Variants in LRCH1 observed in about 807,000 individuals in gnomAD.
LRCH1 encodes leucine-rich repeat and calponin homology domain-containing protein 1.
LRCH1 carries 23 observed loss-of-function variants against 94.9 expected under a neutral mutation model. The observed-to-expected ratio is 0.24, with a 90% CI of 0.17 to 0.34. The LOEUF (loss-of-function observed/expected upper bound fraction) is 0.34, where lower values mean the gene tolerates loss of function less well. Among genes scored for constraint, LRCH1 ranks in the 10% least tolerant of loss-of-function variants. LRCH1 has a pLI of 1.00. For missense variants in LRCH1, 790 were observed against 945.9 expected, an observed-to-expected ratio of 0.84 and a Z score of 2.16; for synonymous variants, 364 against 354.9, an observed-to-expected ratio of 1.03 and a Z score of -0.29.
intron 3 of LRCH1, among the ~76,000 whole-genome samples, chr13:46,671,483 C>T (rs1043364442): frequency 6.6e-6 from 1 of 152,128 alleles, no homozygotes; most frequent in Non-Finnish European, 1.5e-5. Context: ...ATGGCTGGGG[C>T]AGATTGTGAA....
chr13:46,645,688 G>A (rs1594311606), intron 1 of LRCH1, among the ~76,000 whole-genome samples: 1 of 127,324 alleles, frequency 7.9e-6, no homozygotes, highest in Non-Finnish European at 1.9e-5. Context: ...CTAGTCTTCT[G>A]CTCTCAGGTT....
chr13:46,686,672 T>C (rs1054852440), intron 5 of LRCH1, among the ~76,000 whole-genome samples: 1 of 152,168 alleles, frequency 6.6e-6, no homozygotes. Flanking sequence ...GACCTTCATT[T>C]TGGGGTATTG....
At chr13:46,730,562 A>G (rs1239713087) in intron 18 of LRCH1, among the ~76,000 whole-genome samples, 3 of 152,182 alleles carry the variant, frequency 2.0e-5, no homozygotes, top group Non-Finnish European at 2.9e-5. Context: ...TATCTATCAT[A>G]TTGAACATAT....
intron 7 of LRCH1, among the ~76,000 whole-genome samples, chr13:46,692,318 AC>A (rs1870940031): frequency 6.6e-6 from 1 of 150,416 alleles, no homozygotes; most frequent in African/African-American, 2.5e-5. Context: ...AGAAAGCCCC[AC>A]CCCGACCCCA....
intron 3 of LRCH1, among the ~76,000 whole-genome samples, chr13:46,673,510 A>C (rs2051628953): frequency 6.6e-6 from 1 of 152,050 alleles, no homozygotes; most frequent in Non-Finnish European, 1.5e-5. Flanking sequence ...TGGAAAAAAA[A>C]ATTCCCTGGA....
At position 46,659,951 on chromosome 13, in the gene LRCH1, G is replaced by A. The variant is rs1012003085; in HGVS notation, c.453-9079G>A. 2.6e-5 allele frequency among the ~76,000 whole-genome samples: 4 copies of A among 152,010 alleles called. No homozygotes were observed. The South Asian group carries it at 8.3e-4, about 32-fold the overall frequency. On this transcript the variant is annotated intron_variant, in intron 2 of 19. Coordinates refer to ENST00000389797, the MANE Select transcript of LRCH1 (RefSeq NM_001164211.2). The stretch of plus-strand genomic sequence containing the variant: ...CAAGCAGTTGTTTACAGAATTCTTA[G>A]GACCAGCCTGGAGTCCTTTCATTCC...
chr13:46,651,268 A>G (rs187034374), intron 2 of LRCH1, among the ~76,000 whole-genome samples: 3 of 152,370 alleles, frequency 2.0e-5, no homozygotes, highest in Admixed American at 2.0e-4. Flanking sequence ...AGAAAGTTCA[A>G]TGAACCAGGT....
At chr13:46,654,904 A>AT (rs1342415331) in intron 2 of LRCH1, among the ~76,000 whole-genome samples, 1 of 152,170 alleles carries the variant, frequency 6.6e-6, no homozygotes, top group Non-Finnish European at 1.5e-5. Flanking sequence ...ATTTTCACAG[A>AT]TTTTGTCTGT....
At chr13:46,635,717 T>C (rs377413446) in intron 1 of LRCH1, among the ~76,000 whole-genome samples, 2,405 of 151,046 alleles carry the variant, frequency 0.016, 24 homozygotes, top group Middle Eastern at 0.036. Context: ...GTGATCCACC[T>C]GCCTCGGCCT....
At chr13:46,659,377 G>C (rs1226391263) in intron 2 of LRCH1, among the ~76,000 whole-genome samples, 1 of 151,996 alleles carries the variant, frequency 6.6e-6, no homozygotes, top group Non-Finnish European at 1.5e-5. Flanking sequence ...ATTTTTATTT[G>C]AGACAGGGTT....
At position 46,607,647 on chromosome 13, in the gene LRCH1, C is replaced by CT. The variant is rs77449538; in HGVS notation, c.308-42541dup. Among the ~76,000 whole-genome samples, 951 of 141,946 alleles carry CT rather than the reference C, an allele frequency of 6.7e-3. 17 individuals are homozygous for CT. The highest frequency in any genetic ancestry group is 0.02 in the African/African-American group (780 of 38,924). The allele number at this position is 141,946 out of a possible 152,430, so 93.1% of individuals were successfully genotyped here. A position where few individuals can be genotyped will look rare whatever the true frequency, so the allele number is the denominator to read the frequency against. On this transcript the variant is annotated intron_variant, in intron 1 of 19. Coordinates refer to ENST00000389797, the MANE Select transcript of LRCH1 (RefSeq NM_001164211.2). ...CCCCTTCCTCCTCTTCCTTCTTCTT[C>CT]TTTTTTTTTTTTTAATATGAGACAC...
intron 13 of LRCH1, among the ~76,000 whole-genome samples, chr13:46,708,806 G>A (rs955849543): frequency 6.6e-6 from 1 of 152,136 alleles, no homozygotes; most frequent in African/African-American, 2.4e-5. Flanking sequence ...TTTCAAAATG[G>A]ATTCGTACTT....
At chr13:46,746,467 C>T (rs190511679), downstream of LRCH1, among the ~76,000 whole-genome samples, 31 of 152,178 alleles carry the variant, frequency 2.0e-4, no homozygotes, top group East Asian at 3.9e-4. Flanking sequence ...TCTTCAAAGG[C>T]GGTCAGAAGC....
chr13:46,744,051 A>T lies in LRCH1; in HGVS notation c.*2203A>T, dbSNP rs1004983182. 2.5e-4 allele frequency: 246 copies of T among 985,246 alleles called. No individual in the cohort carries two copies. Among genetic ancestry groups the T allele is most frequent in the Non-Finnish European group, 2.9e-4 (238 of 829,928 alleles). 61.0% of individuals were successfully genotyped at this position (985,246 alleles called of 1,614,324 possible). A position where few individuals can be genotyped will look rare whatever the true frequency, so the allele number is the denominator to read the frequency against. ...AATTAATTTAGTCCTTTAGGCAAAA[A>T]TTTGAATGAACTGTTCTGTCCATTG... On this transcript the variant is annotated 3_prime_UTR_variant, in exon 20 of 20. Coordinates refer to ENST00000389797, the MANE Select transcript of LRCH1 (RefSeq NM_001164211.2).
chr13:46,585,600 C>T (rs1198878823), intron 1 of LRCH1, among the ~76,000 whole-genome samples: 1 of 151,608 alleles, frequency 6.6e-6, no homozygotes, highest in African/African-American at 2.4e-5. Flanking sequence ...TAACCTGCAC[C>T]GATTTTGTAG....
At chr13:46,602,764 G>A (rs1178357320) in intron 1 of LRCH1, among the ~76,000 whole-genome samples, 12 of 152,080 alleles carry the variant, frequency 7.9e-5, no homozygotes, top group Non-Finnish European at 1.6e-4. Flanking sequence ...ACTAGATTGG[G>A]CAACATGGTA....
At chr13:46,623,669 G>T (rs2050907290) in intron 1 of LRCH1, among the ~76,000 whole-genome samples, 1 of 143,488 alleles carries the variant, frequency 7.0e-6, no homozygotes, top group Non-Finnish European at 1.5e-5. Flanking sequence ...TTGACTCAAA[G>T]AATAATTTGT....
chr13:46,698,502 C>T (rs137863159), intron 9 of LRCH1, among the ~76,000 whole-genome samples: 1 of 152,200 alleles, frequency 6.6e-6, no homozygotes, highest in East Asian at 1.9e-4. Context: ...GGATGTTGTA[C>T]ACGTGAAAAC....
In LRCH1 at chr13:46,699,427, A is replaced by G. The variant is rs1313973638; in HGVS notation, c.1313+24A>G. 3 of 1,608,612 alleles carry G rather than the reference A, an allele frequency of 1.9e-6. No individual in the cohort carries two copies. In the Admixed American group the frequency reaches 5.0e-5, roughly 27 times the overall value. On this transcript the variant is annotated intron_variant, in intron 10 of 19. Coordinates refer to ENST00000389797, the MANE Select transcript of LRCH1 (RefSeq NM_001164211.2). ...ATGTGAGTGCCGAGGCCTTGGTTAC[A>G]AGCCATCATCACTCAAATCCACTTT... is the stretch of plus-strand genomic sequence containing the variant.
Sources: allele counts gnomAD v4.1 joint callset (sites outside exome capture counted in the v4.1 genomes callset), GRCh38; gene constraint gnomAD v4.1.1; transcripts MANE v1.5; gene names NCBI Gene and HGNC (gene_info 2026-07-23, HGNC 2026-07-21).